SFSWAP: variants seen among roughly 807,000 people sequenced by gnomAD.
SFSWAP encodes the protein splicing factor SWAP, also known as splicing factor, suppressor of white-apricot homolog.
A neutral mutation model predicts 100.7 loss-of-function variants in SFSWAP; 17 were observed. That is an observed-to-expected ratio of 0.17 (90% CI 0.12 to 0.25). The LOEUF is 0.25. Among genes scored for constraint, SFSWAP ranks in the 10% least tolerant of loss-of-function variants. SFSWAP has a pLI of 1.00. For synonymous variants in SFSWAP, 504 were observed against 510.1 expected, an observed-to-expected ratio of 0.99 and a Z score of 0.16; for missense variants, 1,005 against 1,262.6, an observed-to-expected ratio of 0.80 and a Z score of 3.09.
intron 7 of SFSWAP, among the ~76,000 whole-genome samples, chr12:131,738,380 G>A (rs1321761632): frequency 5.3e-5 from 8 of 152,162 alleles, no homozygotes; most frequent in Admixed American, 3.9e-4. Context: ...AGGTCATCGT[G>A]CTAAATAAAA....
At chr12:131,746,748 T>TTTCCCTAAGAATGTGGGTGC (rs1881137050) in intron 7 of SFSWAP, among the ~76,000 whole-genome samples, 1 of 152,212 alleles carries the variant, frequency 6.6e-6, no homozygotes, top group Non-Finnish European at 1.5e-5. Flanking sequence ...GGGGTGGGTA[T>TTTCCCTAAGAATGTGGGTGC]GACTTTCCCT....
chr12:131,721,753 T>G (rs879022555), intron 4 of SFSWAP, among the ~76,000 whole-genome samples: 1 of 152,226 alleles, frequency 6.6e-6, no homozygotes, highest in African/African-American at 2.4e-5. Flanking sequence ...TTGTCACTCA[T>G]TGGAGAGCAA....
intron 13 of SFSWAP, among the ~76,000 whole-genome samples, chr12:131,774,855 G>C (rs921017184): frequency 1.3e-5 from 2 of 152,134 alleles, no homozygotes; most frequent in Non-Finnish European, 2.9e-5. Flanking sequence ...CTTCAAAATG[G>C]AGCCCTAGTC....
At chr12:131,765,158 C>T (rs1883006633) in intron 12 of SFSWAP, among the ~76,000 whole-genome samples, 1 of 152,220 alleles carries the variant, frequency 6.6e-6, no homozygotes, top group South Asian at 2.1e-4. Flanking sequence ...CGCAGTGTGG[C>T]CACCACACCC....
intron 3 of SFSWAP, among the ~76,000 whole-genome samples, chr12:131,716,237 C>G (rs1253151140): frequency 2.6e-5 from 4 of 152,190 alleles, no homozygotes; most frequent in Admixed American, 2.6e-4. Context: ...TTGCACAGCT[C>G]TATTTTATGA....
intron 7 of SFSWAP, among the ~76,000 whole-genome samples, chr12:131,737,807 T>TTA (rs1444597925): frequency 4.6e-5 from 7 of 151,958 alleles, no homozygotes; most frequent in African/African-American, 7.2e-5. Context: ...CAGCAGAATT[T>TTA]TATATATATA....
At chr12:131,760,697 G>A (rs1375405162) in intron 11 of SFSWAP, among the ~76,000 whole-genome samples, 6 of 152,146 alleles carry the variant, frequency 3.9e-5, no homozygotes, top group South Asian at 4.1e-4. Flanking sequence ...ATGGGAAATT[G>A]TGAATTGACA....
At chr12:131,777,285 C>A (rs1398311293) in intron 13 of SFSWAP, among the ~76,000 whole-genome samples, 2 of 152,154 alleles carry the variant, frequency 1.3e-5, no homozygotes, top group African/African-American at 4.8e-5. Context: ...AATGCTATCC[C>A]TCCCCGCTCA....
At position 131,757,948 on chromosome 12, in the gene SFSWAP, C is replaced by G. The variant is rs1420997488; in HGVS notation, c.1720+1304C>G. The G allele has an allele frequency of 5.3e-5, 8 of 152,236 alleles. No homozygotes were observed. The East Asian group carries it at 7.7e-4, about 15-fold the overall frequency. The allele number at this position is 152,236 out of a possible 1,614,324, so 9.4% of individuals were successfully genotyped here. On this transcript the variant is annotated intron_variant, in intron 11 of 17. Coordinates refer to ENST00000261674, the MANE Select transcript of SFSWAP (RefSeq NM_004592.4). ...TATAGGTCAGGGTAAGGCAGCATACCTGGAGCTTGCAGAGAAGTACCCTTG... is the reference window on the plus strand; with the variant it reads ...TATAGGTCAGGGTAAGGCAGCATACGTGGAGCTTGCAGAGAAGTACCCTTG...
chr12:131,753,673 G>T (rs140667106), intron 8 of SFSWAP, among the ~76,000 whole-genome samples: 9 of 152,358 alleles, frequency 5.9e-5, no homozygotes, highest in Middle Eastern at 6.8e-3. Flanking sequence ...GCTGTGCTAG[G>T]CAAAATCAGT....
intron 11 of SFSWAP, among the ~76,000 whole-genome samples, chr12:131,758,270 AG>A (rs1372123147): frequency 6.6e-6 from 1 of 152,164 alleles, no homozygotes; most frequent in African/African-American, 2.4e-5. Flanking sequence ...GCTGCCAACC[AG>A]CGTGACCTTC....
chr12:131,726,877 T>A, intron 5 of SFSWAP, 63 bp from the exon 6 acceptor site: 1 of 1,026,620 alleles, frequency 9.7e-7, no homozygotes, highest in Non-Finnish European at 1.5e-6. Context: ...AGTTTTTGCA[T>A]AATTAATTTG....
chr12:131,747,103 C>CAAAAAAAAAAAA (rs398021689), intron 7 of SFSWAP, among the ~76,000 whole-genome samples: 17 of 96,856 alleles, frequency 1.8e-4, no homozygotes, highest in Admixed American at 3.5e-4. Context: ...GACTCTGTCT[C>CAAAAAAAAAAAA]AAAAAAAAAA....
intron 11 of SFSWAP, among the ~76,000 whole-genome samples, chr12:131,764,168 A>T (rs1458785491): frequency 1.3e-5 from 2 of 152,244 alleles, no homozygotes. Flanking sequence ...GGCCATTTAA[A>T]ATTGCAGGTG....
chr12:131,748,548 CCTT>C (rs1287967639), intron 7 of SFSWAP, among the ~76,000 whole-genome samples: 5 of 152,214 alleles, frequency 3.3e-5, no homozygotes, highest in Non-Finnish European at 5.9e-5. Context: ...TCTCTAAGAA[CCTT>C]CTCAGCACAG....
At position 131,783,795 on chromosome 12, in the gene SFSWAP, TA is replaced by T. The variant is rs1555251663; in HGVS notation, c.2409-2667del. On this transcript the variant is annotated intron_variant, in intron 14 of 17. Coordinates refer to ENST00000261674, the MANE Select transcript of SFSWAP (RefSeq NM_004592.4). ...CTCCGTCTCAAAAAAAAACATTTTATATATATATATATATATATATATATAT... is the reference window on the plus strand; with the variant it reads ...CTCCGTCTCAAAAAAAAACATTTTATTATATATATATATATATATATATAT... 71 of 30,516 alleles carry T rather than the reference TA, an allele frequency of 2.3e-3. 2 individuals are homozygous for T. Among genetic ancestry groups the T allele is most frequent in the Middle Eastern group, 0.011 (1 of 92 alleles). 1.9% of individuals were successfully genotyped at this position (30,516 alleles called of 1,614,324 possible). A position where few individuals can be genotyped will look rare whatever the true frequency, so the allele number is the denominator to read the frequency against.
In SFSWAP at chr12:131,726,980, A is replaced by T. The variant is rs1322718182; in HGVS notation, c.873A>T (p.Glu291Asp). 6.2e-7 allele frequency: 1 copy of T among 1,606,372 alleles called. No homozygotes were observed. ...CTGACAATGAAGATGATGATGATGA[A>T]GAAGATGGGAATTACCTTCATCCCT... ...VSSDNEDDDD[E>D]EDGNYLHPSL... The change falls in exon 6 of 18, where the codon GAA becomes GAT. Residue 291 changes from glutamate to aspartate, a missense_variant. Transcript: ENST00000261674.
chr12:131,732,998 T>G (rs988224538), intron 7 of SFSWAP, among the ~76,000 whole-genome samples: 2 of 152,144 alleles, frequency 1.3e-5, no homozygotes, highest in African/African-American at 4.8e-5. Flanking sequence ...GCCAGTTACT[T>G]TTCCTGAGGA....
At chr12:131,731,562 A>G (rs1317668002) in intron 7 of SFSWAP, among the ~76,000 whole-genome samples, 1 of 152,256 alleles carries the variant, frequency 6.6e-6, no homozygotes, top group Non-Finnish European at 1.5e-5. Flanking sequence ...CCTGTAATTC[A>G]TGGACTGACT....
Sources: gnomAD v4.1 joint callset for allele counts (sites outside exome capture counted in the v4.1 genomes callset) on GRCh38, gnomAD v4.1.1 for gene constraint, MANE v1.5 for transcripts, NCBI Gene and HGNC (gene_info 2026-07-23, HGNC 2026-07-21) for gene names.